The following POT1 variants were observed in gnomAD, a reference collection of about 807,000 sequenced individuals.
POT1 encodes protection of telomeres 1, also known as protection of telomeres protein 1.
POT1 carries 47 observed loss-of-function variants against 78.5 expected under a neutral mutation model. The observed-to-expected ratio is 0.60, with a 90% confidence interval of 0.47 to 0.76. The LOEUF is 0.76. Ranked by LOEUF, POT1 falls within the 30% of genes least tolerant of loss-of-function variation. POT1 has a pLI of 0.00. For synonymous variants in POT1, 259 were observed against 260.7 expected, an observed-to-expected ratio of 0.99 and a Z score of 0.06; for missense variants, 646 against 749.9, an observed-to-expected ratio of 0.86 and a Z score of 1.62.
At chr7:124,891,828 T>C (rs1276133233) in intron 6 of POT1, among the ~76,000 whole-genome samples, 1 of 151,690 alleles carries the variant, frequency 6.6e-6, no homozygotes, top group Non-Finnish European at 1.5e-5. Context: ...TTCATGTTAC[T>C]GACGTCATAA....
intron 7 of POT1, among the ~76,000 whole-genome samples, chr7:124,868,023 AAC>A (rs1795773818): frequency 6.6e-6 from 1 of 152,206 alleles, no homozygotes; most frequent in Non-Finnish European, 1.5e-5. Context: ...TTTGCATTAA[AAC>A]AGATGCCTAT....
chr7:124,880,534 G>A (rs2116596586), intron 6 of POT1, among the ~76,000 whole-genome samples: 1 of 152,112 alleles, frequency 6.6e-6, no homozygotes. Context: ...AGAATGTAAT[G>A]ACTACAGAAA....
chr7:124,830,385 G>C (rs1794731114), intron 15 of POT1, among the ~76,000 whole-genome samples: 1 of 151,986 alleles, frequency 6.6e-6, no homozygotes, highest in Admixed American at 6.6e-5. Context: ...GTTTTCATTT[G>C]CACTTTGAGG....
intron 11 of POT1, among the ~76,000 whole-genome samples, chr7:124,850,485 T>C (rs977461922): frequency 6.6e-6 from 1 of 152,218 alleles, no homozygotes; most frequent in Admixed American, 6.5e-5. Flanking sequence ...CCCAGCACTT[T>C]GGGAGCCCGA....
At chr7:124,929,025 C>A (rs1479317286) in intron 1 of POT1, 26 bp from the exon 2 acceptor site, 1 of 152,550 alleles carries the variant, frequency 6.6e-6, no homozygotes, top group Admixed American at 6.5e-5. Context: ...CAGTGTTTTA[C>A]CCAAAATGAA....
At chr7:124,848,171 C>T (rs560497882) in intron 11 of POT1, among the ~76,000 whole-genome samples, 22 of 152,010 alleles carry the variant, frequency 1.4e-4, no homozygotes, top group Non-Finnish European at 2.8e-4. Context: ...TTGGGTTACA[C>T]GTTTATGTAT....
intron 3 of POT1, among the ~76,000 whole-genome samples, chr7:124,914,112 G>A (rs989036980): frequency 6.9e-6 from 1 of 145,870 alleles, no homozygotes; most frequent in Non-Finnish European, 1.5e-5. Flanking sequence ...TCCAGCCTGG[G>A]TGACAGAACG....
At chr7:124,918,722 A>T (rs925299708) in intron 2 of POT1, among the ~76,000 whole-genome samples, 3 of 152,172 alleles carry the variant, frequency 2.0e-5, no homozygotes, top group Non-Finnish European at 4.4e-5. Context: ...TTACAATTCA[A>T]CAGATGAAAT....
chr7:124,883,681 T>C (rs995391967), intron 6 of POT1, among the ~76,000 whole-genome samples: 1 of 151,976 alleles, frequency 6.6e-6, no homozygotes, highest in Non-Finnish European at 1.5e-5. Flanking sequence ...GCATGAACCA[T>C]AGATATATGC....
intron 17 of POT1, among the ~76,000 whole-genome samples, chr7:124,825,714 T>C (rs1385162651): frequency 6.6e-6 from 1 of 152,192 alleles, no homozygotes; most frequent in African/African-American, 2.4e-5. Context: ...TATATAGTTA[T>C]TTAATTTTTC....
At chr7:124,845,710 T>C (rs1028763350) in intron 12 of POT1, among the ~76,000 whole-genome samples, 3 of 152,244 alleles carry the variant, frequency 2.0e-5, no homozygotes, top group Admixed American at 1.3e-4. Context: ...GGTTACAAAA[T>C]GGTAGCTTTT....
Position 124,886,193 on chromosome 7 carries a change from G to A in POT1, c.124+6073C>T, listed in dbSNP as rs971846195. Among the ~76,000 whole-genome samples the A allele has an allele frequency of 5.9e-5, 9 of 152,082 alleles. No individual in the cohort carries two copies. The South Asian group carries it at 6.2e-4, about 10-fold the overall frequency. On this transcript the variant is annotated intron_variant, in intron 6 of 18. Coordinates refer to ENST00000357628, the MANE Select transcript of POT1 (RefSeq NM_015450.3). ...GAACATTTATAAGATGAATTTTCACGAAAAATTCTAGCTAATGATATGTAA... is the reference window on the plus strand; with the variant it reads ...GAACATTTATAAGATGAATTTTCACAAAAAATTCTAGCTAATGATATGTAA...
chr7:124,851,072 G>A (rs1290786354), intron 11 of POT1, among the ~76,000 whole-genome samples: 4 of 152,056 alleles, frequency 2.6e-5, no homozygotes, highest in East Asian at 1.9e-4. Flanking sequence ...CCAGGAGGTC[G>A]AGACCAGTCT....
rs2116467412 is a variant in POT1, at chr7:124,842,820, T to C, written c.1150A>G (p.Lys384Glu). 5.6e-6 allele frequency: 9 copies of C among 1,598,534 alleles called. No homozygotes were observed. The highest frequency in any genetic ancestry group is 7.7e-6 in the Non-Finnish European group (9 of 1,176,208). The part of the protein sequence containing the change: ...LFQSVKLHCP[K>E]CHLLQEVPHE... ...GAAAATACTCACAGCAAATGACATT[T>C]AGGGCAATGAAGTTTAACAGACTGA... The change falls in exon 13 of 19, where the codon AAA becomes GAA. Residue 384 changes from lysine (K) to glutamate (E), a missense_variant. By Grantham distance (56) the Lys-to-Glu change is moderately conservative. Transcript: ENST00000357628.
intron 18 of POT1, among the ~76,000 whole-genome samples, 160 bp downstream of exon 18, chr7:124,825,092 C>T (rs1411483788): frequency 1.3e-5 from 2 of 152,094 alleles, no homozygotes; most frequent in Non-Finnish European, 2.9e-5. Flanking sequence ...TTTATCCCTG[C>T]CACTCTCTTC....
chr7:124,853,353 CGT>C (rs1051755961), intron 9 of POT1: 1 of 456,008 alleles, frequency 2.2e-6, no homozygotes, highest in Admixed American at 3.8e-5. Flanking sequence ...CATGCATATG[CGT>C]GTGTGCACAC....
intron 2 of POT1, among the ~76,000 whole-genome samples, chr7:124,926,362 A>C (rs1177470909): frequency 6.6e-6 from 1 of 152,180 alleles, no homozygotes; most frequent in Non-Finnish European, 1.5e-5. Flanking sequence ...ATCATCAGTA[A>C]AATGCAGATT....
chr7:124,832,719 G>C lies in POT1; in HGVS notation c.1505+2560C>G, dbSNP rs187029562. On this transcript the variant is annotated intron_variant, in intron 15 of 18. Coordinates refer to ENST00000357628, the MANE Select transcript of POT1 (RefSeq NM_015450.3). ...TGTAGTCCCAGCTACTCGGCGGGGG[G>C]GTTGAGACAGGAGAATCGCTTGAAC... 9.2e-5 allele frequency among the ~76,000 whole-genome samples: 14 copies of C among 151,978 alleles called. No individual in the cohort carries two copies. In the East Asian group the frequency reaches 2.1e-3, roughly 23 times the overall value.
intron 6 of POT1, among the ~76,000 whole-genome samples, chr7:124,884,339 C>G (rs931125586): frequency 6.6e-6 from 1 of 152,112 alleles, no homozygotes; most frequent in Non-Finnish European, 1.5e-5. Context: ...TTGGATGCTA[C>G]TCTGAGAAAT....
Sources: allele counts gnomAD v4.1 joint callset (sites outside exome capture counted in the v4.1 genomes callset), GRCh38; gene constraint gnomAD v4.1.1; transcripts MANE v1.5; gene names NCBI Gene and HGNC (gene_info 2026-07-23, HGNC 2026-07-21).